Variants in CDH4 observed in about 807,000 individuals in gnomAD.
CDH4 encodes cadherin-4.
Under a neutral mutation model 86.0 loss-of-function variants are expected in CDH4, and 33 were observed. That is an observed-to-expected ratio of 0.38 (90% confidence interval 0.29 to 0.51). The LOEUF (loss-of-function observed/expected upper bound fraction) is 0.51, where lower values mean the gene tolerates loss of function less well. CDH4 is among the 20% of genes least tolerant of loss of function. The probability of loss-of-function intolerance (pLI) is 0.86; values close to 1 mark genes in which losing one functional copy is unlikely to be tolerated. For synonymous variants in CDH4, 555 were observed against 549.4 expected, an observed-to-expected ratio of 1.01 and a Z score of -0.14; for missense variants, 1,114 against 1,307.4, an observed-to-expected ratio of 0.85 and a Z score of 2.28.
At chr20:61,476,010 A>G (rs1054287406) in intron 2 of CDH4, among the ~76,000 whole-genome samples, 1 of 152,104 alleles carries the variant, frequency 6.6e-6, no homozygotes, top group African/African-American at 2.4e-5. Flanking sequence ...ACCAGAAGAG[A>G]TCTGCACGTG....
At chr20:61,614,615 T>C (rs893604780) in intron 2 of CDH4, among the ~76,000 whole-genome samples, 6 of 152,122 alleles carry the variant, frequency 3.9e-5, no homozygotes, top group Non-Finnish European at 8.8e-5. Flanking sequence ...CAGAATTGAA[T>C]TGAATTCTGG....
intron 4 of CDH4, among the ~76,000 whole-genome samples, chr20:61,809,063 T>C (rs1044129119): frequency 8.5e-5 from 13 of 152,238 alleles, no homozygotes; most frequent in Admixed American, 7.9e-4. Flanking sequence ...CCTGGCACCT[T>C]GGAAAATGCC....
chr20:61,656,742 C>T (rs756371929), intron 2 of CDH4, among the ~76,000 whole-genome samples: 2 of 152,134 alleles, frequency 1.3e-5, no homozygotes, highest in Non-Finnish European at 2.9e-5. Context: ...CCCCTGCATT[C>T]GTGAATAGGA....
intron 4 of CDH4, among the ~76,000 whole-genome samples, chr20:61,838,342 G>A (rs1011910759): frequency 6.6e-6 from 1 of 152,102 alleles, no homozygotes; most frequent in Non-Finnish European, 1.5e-5. Flanking sequence ...GCCCTCGGCT[G>A]TGCAATGCAG....
chr20:61,622,582 G>A (rs917102283), intron 2 of CDH4, among the ~76,000 whole-genome samples: 2 of 152,246 alleles, frequency 1.3e-5, no homozygotes, highest in Non-Finnish European at 2.9e-5. Context: ...GCTGCACATG[G>A]CCCAGGCCCT....
intron 2 of CDH4, among the ~76,000 whole-genome samples, chr20:61,318,951 C>T (rs994139660): frequency 2.0e-5 from 3 of 152,354 alleles, no homozygotes; most frequent in African/African-American, 4.8e-5. Flanking sequence ...ATGCTGCCAT[C>T]GGCCTGAGCC....
In CDH4 at chr20:61,605,886, GAAAA is replaced by G. The variant is rs529210946; in HGVS notation, c.170-137661_170-137658del. 5.6e-5 allele frequency among the ~76,000 whole-genome samples: 7 copies of G among 126,004 alleles called. No homozygotes were observed. In the South Asian group the frequency reaches 7.8e-4, roughly 14 times the overall value. The allele number at this position is 126,004 out of a possible 152,430, so 82.7% of individuals were successfully genotyped here. ...CCCAGTAGCGGTCAAGGCTGTGGAGGAAAAAAAAAAAAAAAAAAACAGGAAACCA... is the reference window on the plus strand; with the variant it reads ...CCCAGTAGCGGTCAAGGCTGTGGAGGAAAAAAAAAAAAAAACAGGAAACCA... On this transcript the variant is annotated intron_variant, in intron 2 of 15. Transcript: ENST00000614565.
At chr20:61,677,690 C>T (rs954156053) in intron 2 of CDH4, among the ~76,000 whole-genome samples, 2 of 151,188 alleles carry the variant, frequency 1.3e-5, no homozygotes, top group Non-Finnish European at 2.9e-5. Context: ...GACGGACGGA[C>T]GGACAGACGG....
chr20:61,872,503 G>A (rs541703040), intron 6 of CDH4, among the ~76,000 whole-genome samples: 82 of 152,146 alleles, frequency 5.4e-4, no homozygotes, highest in African/African-American at 1.8e-3. Flanking sequence ...CTGCCACCCC[G>A]CACCTGGCCC....
chr20:61,753,209 T>C (rs2088520640), intron 3 of CDH4, among the ~76,000 whole-genome samples: 1 of 152,072 alleles, frequency 6.6e-6, no homozygotes, highest in Admixed American at 6.6e-5. Flanking sequence ...TGGAAGCAGA[T>C]TCTGCCAGGG....
intron 2 of CDH4, among the ~76,000 whole-genome samples, chr20:61,554,743 A>G (rs1042244622): frequency 5.9e-5 from 9 of 152,280 alleles, no homozygotes; most frequent in African/African-American, 2.2e-4. Context: ...ATGTACATGT[A>G]CATGCATGAA....
chr20:61,756,642 C>G (rs913812784), intron 3 of CDH4, among the ~76,000 whole-genome samples: 4 of 151,830 alleles, frequency 2.6e-5, no homozygotes, highest in Non-Finnish European at 4.4e-5. Context: ...TGCCCTTCAC[C>G]CTGAGAGCGG....
chr20:61,488,552 A>C (rs1415653329), intron 2 of CDH4, among the ~76,000 whole-genome samples: 1 of 152,166 alleles, frequency 6.6e-6, no homozygotes, highest in Non-Finnish European at 1.5e-5. Context: ...TTGCAGGATA[A>C]GTTCTAAAGT....
chr20:61,930,871 A>G (rs925508202), intron 13 of CDH4, among the ~76,000 whole-genome samples: 4 of 152,154 alleles, frequency 2.6e-5, no homozygotes, highest in African/African-American at 9.7e-5. Context: ...TGCTCTGGAA[A>G]CACCGGGGGC....
intron 2 of CDH4, among the ~76,000 whole-genome samples, chr20:61,553,618 G>A (rs1277084032): frequency 2.6e-5 from 4 of 152,230 alleles, no homozygotes; most frequent in Non-Finnish European, 5.9e-5. Context: ...TATAGATGTA[G>A]TGTGGTAGAT....
At chr20:61,362,963 C>T (rs759903766) in intron 2 of CDH4, among the ~76,000 whole-genome samples, 29 of 152,162 alleles carry the variant, frequency 1.9e-4, no homozygotes, top group Non-Finnish European at 4.0e-4. Context: ...GTGTCCTGTG[C>T]CCTTGTGCCG....
intron 5 of CDH4, among the ~76,000 whole-genome samples, chr20:61,848,117 AC>A (rs1329640098): frequency 6.6e-6 from 1 of 152,222 alleles, no homozygotes; most frequent in Non-Finnish European, 1.5e-5. Context: ...CCTGCAGCAA[AC>A]CCCCAGAAAG....
At chr20:61,317,715 T>A (rs565394564) in intron 2 of CDH4, among the ~76,000 whole-genome samples, 1 of 152,066 alleles carries the variant, frequency 6.6e-6, no homozygotes, top group Non-Finnish European at 1.5e-5. Flanking sequence ...TTGCCCAGTG[T>A]CCCCTGGGAG....
At chr20:61,569,344 T>C (rs556548541) in intron 2 of CDH4, among the ~76,000 whole-genome samples, 27 of 152,342 alleles carry the variant, frequency 1.8e-4, no homozygotes, top group Admixed American at 5.2e-4. Flanking sequence ...AATTGTAAAC[T>C]TAGAGGAGTT....
Sources: gnomAD v4.1 joint callset for allele counts (sites outside exome capture counted in the v4.1 genomes callset) on GRCh38, gnomAD v4.1.1 for gene constraint, MANE v1.5 for transcripts, NCBI Gene and HGNC (gene_info 2026-07-23, HGNC 2026-07-21) for gene names.